MAGI3: variants seen among roughly 807,000 people sequenced by gnomAD.
The protein encoded by MAGI3 is membrane-associated guanylate kinase, WW and PDZ domain-containing protein 3.
Under a neutral mutation model 121.8 loss-of-function variants are expected in MAGI3, and 43 were observed. The observed-to-expected ratio is 0.35, with a 90% CI of 0.28 to 0.46. The LOEUF is 0.46. Among genes scored for constraint, MAGI3 ranks in the 20% least tolerant of loss-of-function variants. The probability of loss-of-function intolerance (pLI) is 1.00; values close to 1 mark genes in which losing one functional copy is unlikely to be tolerated. For synonymous variants in MAGI3, 553 were observed against 639.3 expected, an observed-to-expected ratio of 0.86 and a Z score of 2.04; for missense variants, 1,547 against 1,797.3, an observed-to-expected ratio of 0.86 and a Z score of 2.52.
intron 9 of MAGI3, among the ~76,000 whole-genome samples, chr1:113,639,698 G>A (rs1425370030): frequency 6.6e-6 from 1 of 152,158 alleles, no homozygotes; most frequent in Non-Finnish European, 1.5e-5. Flanking sequence ...CTCCTGAGTA[G>A]CTGGGATTAT....
chr1:113,454,875 CT>C (rs745945074), intron 1 of MAGI3, among the ~76,000 whole-genome samples: 2 of 152,070 alleles, frequency 1.3e-5, no homozygotes, highest in Non-Finnish European at 2.9e-5. Flanking sequence ...CCTTATCAAC[CT>C]TGAAAAAGGG....
chr1:113,447,867 T>A (rs1356133276), intron 1 of MAGI3, among the ~76,000 whole-genome samples: 1 of 149,186 alleles, frequency 6.7e-6, no homozygotes, highest in African/African-American at 2.4e-5. Context: ...AAAAAAAAAA[T>A]TGTGCAACTA....
chr1:113,546,238 T>C (rs1447581507), intron 1 of MAGI3, among the ~76,000 whole-genome samples: 2 of 152,332 alleles, frequency 1.3e-5, no homozygotes, highest in East Asian at 3.9e-4. Context: ...CTTTCATAAT[T>C]GATATTTCTT....
At chr1:113,405,474 C>CAAAAAAAAAAAAA (rs5777158) in intron 1 of MAGI3, among the ~76,000 whole-genome samples, 26 of 54,346 alleles carry the variant, frequency 4.8e-4, no homozygotes, top group African/African-American at 7.5e-4. Context: ...GAAACTGTCT[C>CAAAAAAAAAAAAA]AAAAAAAAAA....
intron 2 of MAGI3, among the ~76,000 whole-genome samples, chr1:113,572,177 T>G (rs1478464790): frequency 6.6e-6 from 1 of 152,218 alleles, no homozygotes; most frequent in Non-Finnish European, 1.5e-5. Flanking sequence ...ATTTGTTCTG[T>G]TTATGTGATG....
In MAGI3 at chr1:113,642,303, C is replaced by A; in HGVS notation, c.1753C>A (p.Pro585Thr). 6.2e-7 allele frequency: 1 copy of A among 1,613,850 alleles called. No individual in the cohort carries two copies. Among genetic ancestry groups the A allele is most frequent in the Non-Finnish European group, 8.5e-7 (1 of 1,179,974 alleles). Residue 585 changes from proline to threonine, a missense_variant, in exon 10 of 21, where the codon CCT (proline) becomes ACT (threonine). Physicochemically the swap from Pro to Thr is conservative, Grantham distance 38. Transcript: ENST00000307546. ...AGTGACTATCCCTTTGATTAAGGGCCCTAAAGGGTTTGGGTTTGCAATTGC... is the reference window on the plus strand; with the variant it reads ...AGTGACTATCCCTTTGATTAAGGGCACTAAAGGGTTTGGGTTTGCAATTGC... Reference protein sequence around the residue: ...ELVTIPLIKGPKGFGFAIADS... With the variant: ...ELVTIPLIKGTKGFGFAIADS...
Position 113,684,690 on chromosome 1 carries a change from A to G in MAGI3, c.*676A>G, listed in dbSNP as rs1334137293. On this transcript the variant is annotated 3_prime_UTR_variant, in exon 21 of 21. Transcript: ENST00000307546. ...AAGTTGTTTCAAATAACTGTTAAAG[A>G]TATTACTTACAATTGAATGTTTGAA... is the stretch of plus-strand genomic sequence containing the variant. 6.6e-6 allele frequency: 1 copy of G among 152,372 alleles called. No individual in the cohort carries two copies. The highest frequency in any genetic ancestry group is 1.5e-5 in the Non-Finnish European group (1 of 68,052). The allele number at this position is 152,372 out of a possible 1,614,324, so 9.4% of individuals were successfully genotyped here.
chr1:113,474,245 C>T (rs921148028), intron 1 of MAGI3, among the ~76,000 whole-genome samples: 22 of 152,064 alleles, frequency 1.4e-4, no homozygotes, highest in African/African-American at 2.7e-4. Context: ...TTTCTTTTGC[C>T]ACGCAGAAGC....
intron 1 of MAGI3, among the ~76,000 whole-genome samples, chr1:113,547,487 C>A (rs1213837420): frequency 6.6e-6 from 1 of 152,124 alleles, no homozygotes; most frequent in African/African-American, 2.4e-5. Context: ...CATTCTCTGT[C>A]CATTCAAAAA....
intron 9 of MAGI3, among the ~76,000 whole-genome samples, chr1:113,638,128 C>T (rs1199278748): frequency 1.3e-5 from 2 of 152,146 alleles, no homozygotes; most frequent in Non-Finnish European, 2.9e-5. Context: ...GTTATACATT[C>T]GTCTAAATTT....
chr1:113,552,583 T>A (rs1659828986), intron 2 of MAGI3, among the ~76,000 whole-genome samples: 1 of 152,220 alleles, frequency 6.6e-6, no homozygotes, highest in Non-Finnish European at 1.5e-5. Flanking sequence ...AGGTCTTTTT[T>A]TTATACTGCC....
Position 113,622,917 on chromosome 1 carries a change from A to G in MAGI3, c.1283A>G (p.Asp428Gly). Reference sequence around the variant, plus strand: ...TTTGGTTTTACTATTATTGGTGGAGATAGACCTGATGAGTTCCTACAAGTG... The same window carrying G: ...TTTGGTTTTACTATTATTGGTGGAGGTAGACCTGATGAGTTCCTACAAGTG... ...MGFGFTIIGGDRPDEFLQVKN... is the reference protein window; with the variant it reads ...MGFGFTIIGGGRPDEFLQVKN... Residue 428 changes from aspartate to glycine, a missense_variant, in exon 9 of 21, where the codon GAT becomes GGT. Transcript: ENST00000307546. The G allele has an allele frequency of 6.3e-7, 1 of 1,598,520 alleles. No homozygotes were observed. The highest frequency in any genetic ancestry group is 8.5e-7 in the Non-Finnish European group (1 of 1,174,622).
At chr1:113,474,746 G>C (rs1372013012) in intron 1 of MAGI3, among the ~76,000 whole-genome samples, 5 of 152,204 alleles carry the variant, frequency 3.3e-5, no homozygotes, top group East Asian at 1.9e-4. Flanking sequence ...TCCATATGAA[G>C]TTTAAAGTAG....
At chr1:113,575,870 C>T (rs1158907327) in intron 2 of MAGI3, among the ~76,000 whole-genome samples, 1 of 152,212 alleles carries the variant, frequency 6.6e-6, no homozygotes, top group Non-Finnish European at 1.5e-5. Context: ...TGCTGCCTTT[C>T]TTTCAGAGAT....
At chr1:113,679,269 T>G (rs1648067867) in intron 19 of MAGI3, among the ~76,000 whole-genome samples, 1 of 152,122 alleles carries the variant, frequency 6.6e-6, no homozygotes, top group South Asian at 2.1e-4. Context: ...TCCCCCCATC[T>G]TGTATTCCCG....
chr1:113,594,381 G>A, intron 5 of MAGI3, 100 bp from the exon 6 acceptor site: 2 of 813,964 alleles, frequency 2.5e-6, no homozygotes, highest in East Asian at 2.5e-5. Context: ...GGAGATTAAT[G>A]TTCAAACATC....
At chr1:113,495,027 T>G (rs1466589053) in intron 1 of MAGI3, among the ~76,000 whole-genome samples, 1 of 152,196 alleles carries the variant, frequency 6.6e-6, no homozygotes, top group African/African-American at 2.4e-5. Flanking sequence ...TAGTTCATTG[T>G]TAGTACCCTA....
chr1:113,559,329 CAT>C (rs1464519231), intron 2 of MAGI3, among the ~76,000 whole-genome samples: 2 of 152,186 alleles, frequency 1.3e-5, no homozygotes, highest in East Asian at 3.8e-4. Context: ...CAAAGACACA[CAT>C]AGGCTCAAAA....
chr1:113,548,546 G>A (rs538048830), intron 1 of MAGI3, among the ~76,000 whole-genome samples: 7 of 152,274 alleles, frequency 4.6e-5, no homozygotes, highest in African/African-American at 1.2e-4. Flanking sequence ...TGGCCTTTTC[G>A]AAGATCAGAA....
Sources: gnomAD v4.1 joint callset for allele counts (sites outside exome capture counted in the v4.1 genomes callset) on GRCh38, gnomAD v4.1.1 for gene constraint, MANE v1.5 for transcripts, NCBI Gene and HGNC (gene_info 2026-07-23, HGNC 2026-07-21) for gene names.